The following ZNRF1 variants were observed in gnomAD, a reference collection of about 807,000 sequenced individuals.
The protein encoded by ZNRF1 is zinc and ring finger 1.
ZNRF1 carries 3 observed loss-of-function variants against 18.4 expected under a neutral mutation model. The observed-to-expected ratio is 0.16, with a 90% confidence interval of 0.07 to 0.42. The LOEUF is 0.42. Among genes scored for constraint, ZNRF1 ranks in the 10% least tolerant of loss-of-function variants. The probability of loss-of-function intolerance (pLI) is 0.99; values close to 1 mark genes in which losing one functional copy is unlikely to be tolerated. For missense variants in ZNRF1, 310 were observed against 329.8 expected, an observed-to-expected ratio of 0.94 and a Z score of 0.47; for synonymous variants, 157 against 144.2, an observed-to-expected ratio of 1.09 and a Z score of -0.64.
intron 1 of ZNRF1, among the ~76,000 whole-genome samples, chr16:75,059,229 C>CTTTTT (rs35291578): frequency 2.9e-3 from 265 of 92,904 alleles, no homozygotes; most frequent in African/African-American, 3.5e-3. Context: ...TTCTTTCTTT[C>CTTTTT]TTTTTTTTTT....
At position 75,049,845 on chromosome 16, in the gene ZNRF1, TTGTG is replaced by T. The variant is rs56377786; in HGVS notation, c.425-43704_425-43701del. Among the ~76,000 whole-genome samples, 1,037 of 149,378 alleles carry T rather than the reference TTGTG, an allele frequency of 6.9e-3. 8 individuals carry two copies. The highest frequency in any genetic ancestry group is 0.024 in the African/African-American group (988 of 40,508). ...TCTCATCACTTTCACATGCACCCAT[TTGTG>T]TGTGTGTGTGTGTGTGTGTGTGGTT... is the stretch of plus-strand genomic sequence containing the variant. On this transcript the variant is annotated intron_variant, in intron 1 of 4. Transcript: ENST00000335325.
intron 1 of ZNRF1, 130 bp downstream of exon 1, chr16:75,000,225 G>A: frequency 7.5e-7 from 1 of 1,330,012 alleles, no homozygotes; most frequent in Non-Finnish European, 1.0e-6. Context: ...GGTTCCCGAT[G>A]CCAAGGGATA....
intron 1 of ZNRF1, among the ~76,000 whole-genome samples, chr16:75,022,108 G>C (rs962747839): frequency 1.3e-5 from 2 of 152,126 alleles, no homozygotes; most frequent in Non-Finnish European, 2.9e-5. Context: ...ACGCTGGAGT[G>C]GGCTGGCATG....
chr16:75,106,801 A>G (rs2036321299), intron 4 of ZNRF1: 31 of 483,802 alleles, frequency 6.4e-5, no homozygotes, highest in South Asian at 6.4e-4. Context: ...CAGAAGAGTT[A>G]GGATCAGTTG....
At chr16:75,073,118 A>ATCTCTCTCTCTCTCTCTCTC (rs374451771) in intron 1 of ZNRF1, among the ~76,000 whole-genome samples, 5 of 128,370 alleles carry the variant, frequency 3.9e-5, no homozygotes, top group African/African-American at 1.5e-4. Flanking sequence ...GTGAGACCCC[A>ATCTCTCTCTCTCTCTCTCTC]TCTCTCTCTC....
chr16:75,086,452 A>G (rs886847950), intron 1 of ZNRF1, among the ~76,000 whole-genome samples: 8 of 152,212 alleles, frequency 5.3e-5, no homozygotes, highest in African/African-American at 1.7e-4. Context: ...GGCCTTTCCC[A>G]GTCAAGGATG....
At chr16:75,044,231 A>C (rs945216941) in intron 1 of ZNRF1, among the ~76,000 whole-genome samples, 4 of 151,766 alleles carry the variant, frequency 2.6e-5, no homozygotes, top group South Asian at 2.1e-4. Context: ...CTTTCTTTAA[A>C]ATTTATTTTA....
At chr16:75,001,307 A>G (rs527827663) in intron 1 of ZNRF1, among the ~76,000 whole-genome samples, 2 of 151,840 alleles carry the variant, frequency 1.3e-5, no homozygotes, top group Non-Finnish European at 2.9e-5. Context: ...GTTTGTTTTC[A>G]TTTGGTTTGG....
chr16:75,093,991 C>T (rs2036170083), intron 2 of ZNRF1, among the ~76,000 whole-genome samples: 1 of 152,184 alleles, frequency 6.6e-6, no homozygotes, highest in Admixed American at 6.5e-5. Flanking sequence ...TTTCCTTCAC[C>T]CTTGACTGTG....
Position 75,110,974 on chromosome 16 carries a change from A to G in ZNRF1, c.*3274A>G, listed in dbSNP as rs981969639. The G allele has an allele frequency of 6.6e-6, 1 of 152,058 alleles. No individual in the cohort carries two copies. The highest frequency in any genetic ancestry group is 1.5e-5 in the Non-Finnish European group (1 of 68,048). 9.4% of individuals were successfully genotyped at this position (152,058 alleles called of 1,614,324 possible). On this transcript the variant is annotated 3_prime_UTR_variant, in exon 5 of 5. Transcript: ENST00000335325. ...CCCACCAGGGCAGCACGGGACAGAA[A>G]CGTCACGGAGGAGTAGCCTCCAGGC... is the stretch of plus-strand genomic sequence containing the variant.
rs116725831 is a variant in ZNRF1 at position 75,061,798 on chromosome 16, G to A, written c.425-31774G>A. On this transcript the variant is annotated intron_variant, in intron 1 of 4. Coordinates refer to ENST00000335325, the MANE Select transcript of ZNRF1 (RefSeq NM_032268.5). ...ACTCCTTTAGGTTTCTTAACACAATGAGTCGTCTTGTCAGCAGCTTGGTTT... is the reference window on the plus strand; with the variant it reads ...ACTCCTTTAGGTTTCTTAACACAATAAGTCGTCTTGTCAGCAGCTTGGTTT... Among the ~76,000 whole-genome samples the A allele has an allele frequency of 4.2e-3, 642 of 152,260 alleles. 5 individuals are homozygous for A. Among genetic ancestry groups the A allele is most frequent in the African/African-American group, 0.015 (610 of 41,540 alleles).
chr16:75,048,937 TA>T (rs1256415852), intron 1 of ZNRF1, among the ~76,000 whole-genome samples: 12 of 152,220 alleles, frequency 7.9e-5, no homozygotes, highest in African/African-American at 2.9e-4. Flanking sequence ...ATTGTTTAGT[TA>T]TTTTTTTTGT....
At chr16:75,004,075 C>G (rs2145314612) in intron 1 of ZNRF1, among the ~76,000 whole-genome samples, 1 of 152,120 alleles carries the variant, frequency 6.6e-6, no homozygotes, top group South Asian at 2.1e-4. Context: ...ATCCTCCCAG[C>G]TTGGCTTCCC....
At chr16:75,086,990 C>A (rs909233695) in intron 1 of ZNRF1, among the ~76,000 whole-genome samples, 1 of 152,196 alleles carries the variant, frequency 6.6e-6, no homozygotes, top group African/African-American at 2.4e-5. Flanking sequence ...GAGCAACACG[C>A]CGCCAGCACA....
At chr16:75,073,523 A>G (rs1567487086) in intron 1 of ZNRF1, among the ~76,000 whole-genome samples, 1 of 151,854 alleles carries the variant, frequency 6.6e-6, no homozygotes, top group African/African-American at 2.4e-5. Flanking sequence ...TTAATTTTTC[A>G]TTTCTGTGCA....
At chr16:75,004,297 C>T (rs1255946162) in intron 1 of ZNRF1, among the ~76,000 whole-genome samples, 2 of 152,188 alleles carry the variant, frequency 1.3e-5, no homozygotes, top group South Asian at 2.1e-4. Flanking sequence ...TCCCTTTCCA[C>T]GTTAAAAAGT....
chr16:75,049,330 T>C (rs2035559107), intron 1 of ZNRF1, among the ~76,000 whole-genome samples: 1 of 152,040 alleles, frequency 6.6e-6, no homozygotes, highest in African/African-American at 2.4e-5. Context: ...ATGTCTTTAA[T>C]CTTTTAAAAA....
intron 1 of ZNRF1, among the ~76,000 whole-genome samples, chr16:75,003,247 C>A (rs141673894): frequency 6.6e-6 from 1 of 152,232 alleles, no homozygotes; most frequent in Non-Finnish European, 1.5e-5. Context: ...CAGGCGTGAG[C>A]CACTGCGCCC....
At chr16:75,073,146 C>CTCTCTGTCTCTCTG (rs1555513181) in intron 1 of ZNRF1, among the ~76,000 whole-genome samples, 56 of 128,740 alleles carry the variant, frequency 4.3e-4, no homozygotes, top group Middle Eastern at 4.1e-3. Context: ...CTCTCTCTCT[C>CTCTCTGTCTCTCTG]TCTCTCTGTC....
Sources: gnomAD v4.1 joint callset for allele counts (sites outside exome capture counted in the v4.1 genomes callset) on GRCh38, gnomAD v4.1.1 for gene constraint, MANE v1.5 for transcripts, NCBI Gene and HGNC (gene_info 2026-07-23, HGNC 2026-07-21) for gene names.